Variants in CSMD3 observed in about 807,000 individuals in gnomAD.
CSMD3 encodes the protein CUB and Sushi multiple domains 3.
Under a neutral mutation model 435.2 loss-of-function variants are expected in CSMD3, and 177 were observed. That is an observed-to-expected ratio of 0.41 (90% CI 0.36 to 0.46). CSMD3 has a LOEUF of 0.46. Among genes scored for constraint, CSMD3 ranks in the 20% least tolerant of loss-of-function variants. The pLI is 0.34. For synonymous variants in CSMD3, 1,656 were observed against 1,520.5 expected (o/e 1.09, Z -2.07); for missense variants, 4,265 against 4,504.6 (o/e 0.95, Z 1.52).
chr8:113,313,641 A>G (rs2093887405), intron 2 of CSMD3: 1 of 152,240 alleles, frequency 6.6e-6, no homozygotes, highest in African/African-American at 2.4e-5. Flanking sequence ...GGAAGGCAAG[A>G]ACATGTTATC....
intron 4 of CSMD3, among the ~76,000 whole-genome samples, chr8:113,149,364 T>C (rs1042212110): frequency 2.0e-5 from 3 of 151,774 alleles, no homozygotes; most frequent in Admixed American, 6.6e-5. Context: ...CATTATTTTT[T>C]TACTTACTAA....
intron 5 of CSMD3, among the ~76,000 whole-genome samples, chr8:113,034,900 C>A (rs777382274): frequency 3.3e-5 from 5 of 151,938 alleles, no homozygotes; most frequent in Non-Finnish European, 5.9e-5. Context: ...TAACCATATT[C>A]ATGTATATTA....
At chr8:112,912,698 G>C (rs375515774) in intron 10 of CSMD3, among the ~76,000 whole-genome samples, 3 of 151,894 alleles carry the variant, frequency 2.0e-5, no homozygotes, top group African/African-American at 7.2e-5. Flanking sequence ...GGCAACAAAA[G>C]CAAAAACAGA....
chr8:112,827,849 T>C (rs1181776315), intron 12 of CSMD3, among the ~76,000 whole-genome samples: 1 of 152,152 alleles, frequency 6.6e-6, no homozygotes, highest in Non-Finnish European at 1.5e-5. Context: ...GCCCTCTCCA[T>C]AGGAGGCAGA....
rs116701118 is a variant in CSMD3, at chr8:113,383,017, T to C, written c.178+53660A>G. 5.4e-3 allele frequency among the ~76,000 whole-genome samples: 804 copies of C among 149,966 alleles called. 7 individuals are homozygous for C. Among genetic ancestry groups the C allele is most frequent in the African/African-American group, 0.019 (749 of 39,912 alleles). On this transcript the variant is annotated intron_variant, in intron 1 of 70. Transcript: ENST00000297405. ...ATAAATAAAAGTAATAAATAAACAG[T>C]TGTTAAACACTCTAGAATTTCACAG...
At chr8:113,394,375 C>T (rs2094474296) in intron 1 of CSMD3, among the ~76,000 whole-genome samples, 1 of 151,952 alleles carries the variant, frequency 6.6e-6, no homozygotes, top group African/African-American at 2.4e-5. Flanking sequence ...TTACTGAATA[C>T]ATATTAACTT....
In CSMD3 at chr8:113,314,749, T is replaced by C. The variant is rs182515450; in HGVS notation, c.223A>G (p.Thr75Ala). The change falls in exon 2 of 71, where the codon ACT becomes GCT. Residue 75 changes from threonine to alanine, a missense_variant. Transcript: ENST00000297405. ...CGGTLKGLNG[T>A]IESPGFPYGY... is the part of the protein sequence containing the mutation. ...TATGGAAAACCAGGGCTTTCTATAGTGCCATTAAGTCCTTTTAAAGTTCCA... is the reference window on the plus strand; with the variant it reads ...TATGGAAAACCAGGGCTTTCTATAGCGCCATTAAGTCCTTTTAAAGTTCCA... 22 of 1,612,948 alleles carry C rather than the reference T, an allele frequency of 1.4e-5. No homozygotes were observed. The Admixed American group carries it at 3.7e-4, about 27-fold the overall frequency.
intron 13 of CSMD3, among the ~76,000 whole-genome samples, chr8:112,788,356 T>C (rs1258829907): frequency 6.6e-6 from 1 of 151,918 alleles, no homozygotes; most frequent in Non-Finnish European, 1.5e-5. Flanking sequence ...CTAAAACACC[T>C]CTCTCTCCAT....
At chr8:112,604,921 C>A (rs181783148) in intron 22 of CSMD3, among the ~76,000 whole-genome samples, 39 of 116,432 alleles carry the variant, frequency 3.3e-4, no homozygotes, top group Admixed American at 2.2e-3. Context: ...TCTCTAAGAA[C>A]CTTGTTAGCA....
At chr8:113,191,549 C>G (rs2092584833) in intron 3 of CSMD3, among the ~76,000 whole-genome samples, 2 of 149,916 alleles carry the variant, frequency 1.3e-5, no homozygotes, top group Admixed American at 1.3e-4. Context: ...CCAGCTTCAT[C>G]TCCATGTTGT....
At chr8:112,605,560 A>G (rs927517321) in intron 22 of CSMD3, among the ~76,000 whole-genome samples, 3 of 148,564 alleles carry the variant, frequency 2.0e-5, no homozygotes, top group Non-Finnish European at 3.0e-5. Context: ...CTCACTTACA[A>G]GTGGGAGCTA....
At chr8:113,197,948 TA>T in intron 3 of CSMD3, among the ~76,000 whole-genome samples, 1 of 151,514 alleles carries the variant, frequency 6.6e-6, no homozygotes, top group Admixed American at 6.6e-5. Context: ...GTCATGTAAC[TA>T]ACTATATTTG....
intron 11 of CSMD3, among the ~76,000 whole-genome samples, chr8:112,836,156 A>G (rs1403256016): frequency 2.0e-5 from 3 of 151,854 alleles, no homozygotes; most frequent in Non-Finnish European, 4.4e-5. Flanking sequence ...TATGCAGTAA[A>G]TGGATGAAAT....
intron 13 of CSMD3, among the ~76,000 whole-genome samples, chr8:112,692,098 C>T (rs947337226): frequency 6.6e-6 from 1 of 151,954 alleles, no homozygotes; most frequent in Non-Finnish European, 1.5e-5. Context: ...CCACTGCGCC[C>T]GGCAAATTCT....
chr8:113,340,842 G>A (rs1047687608), intron 1 of CSMD3, among the ~76,000 whole-genome samples: 2 of 147,500 alleles, frequency 1.4e-5, no homozygotes, highest in Non-Finnish European at 3.0e-5. Context: ...GCACTCCAGC[G>A]TGGGCGACAA....
At chr8:112,757,856 C>A (rs995872989) in intron 13 of CSMD3, among the ~76,000 whole-genome samples, 1 of 151,228 alleles carries the variant, frequency 6.6e-6, no homozygotes, top group Non-Finnish European at 1.5e-5. Flanking sequence ...GAGTTTGAGA[C>A]CAGTCTGGGC....
intron 1 of CSMD3, among the ~76,000 whole-genome samples, chr8:113,358,051 T>C (rs1033036968): frequency 6.6e-5 from 10 of 152,226 alleles, no homozygotes; most frequent in South Asian, 6.2e-4. Context: ...GTTTCTAGTA[T>C]TCCACATAAA....
intron 5 of CSMD3, among the ~76,000 whole-genome samples, chr8:113,082,686 AAC>A (rs764429250): frequency 7.9e-5 from 12 of 152,322 alleles, no homozygotes; most frequent in Non-Finnish European, 8.8e-5. Context: ...GAAGCAAGAA[AAC>A]ACAGACAATT....
At position 112,224,383 on chromosome 8, in the gene CSMD3, T is replaced by C. The variant is rs1812386811; in HGVS notation, c.*388A>G. ...GAAGTCAGTGATCTATTGACTCTTG[T>C]AAGTATAGCTCTTATTTCTACCCTA... On this transcript the variant is annotated 3_prime_UTR_variant, in exon 71 of 71. Coordinates refer to ENST00000297405, the MANE Select transcript of CSMD3 (RefSeq NM_198123.2). 3.7e-6 allele frequency: 1 copy of C among 269,630 alleles called. No homozygotes were observed. 16.7% of individuals were successfully genotyped at this position (269,630 alleles called of 1,614,324 possible).
Sources: allele counts gnomAD v4.1 joint callset (sites outside exome capture counted in the v4.1 genomes callset), GRCh38; gene constraint gnomAD v4.1.1; transcripts MANE v1.5; gene names NCBI Gene and HGNC (gene_info 2026-07-23, HGNC 2026-07-21).